Variants in UBXN2A observed in about 807,000 individuals in gnomAD.
UBXN2A encodes the protein UBX domain protein 2A.
A neutral mutation model predicts 28.4 loss-of-function variants in UBXN2A; 28 were observed. The observed-to-expected ratio is 0.99, with a 90% CI of 0.73 to 1.35. The LOEUF is 1.35. Among genes scored for constraint, UBXN2A ranks in the 40% most tolerant of loss-of-function variants. The probability of loss-of-function intolerance (pLI) is 0.00; values close to 1 mark genes in which losing one functional copy is unlikely to be tolerated. For synonymous variants in UBXN2A, 97 were observed against 103.6 expected, an observed-to-expected ratio of 0.94 and a Z score of 0.39; for missense variants, 253 against 297.9, an observed-to-expected ratio of 0.85 and a Z score of 1.11.
chr2:23,971,990 T>C (rs1254037426), intron 3 of UBXN2A, among the ~76,000 whole-genome samples: 1 of 152,014 alleles, frequency 6.6e-6, no homozygotes, highest in East Asian at 1.9e-4. Flanking sequence ...TCCCAGCTTC[T>C]TGGGAGGCTG....
intron 2 of UBXN2A, among the ~76,000 whole-genome samples, chr2:23,970,228 G>A (rs1354899231): frequency 6.6e-6 from 1 of 152,150 alleles, no homozygotes; most frequent in East Asian, 1.9e-4. Context: ...AGACTGTAGT[G>A]AGCTGAAATT....
At chr2:23,928,839 T>C (rs1705266172) in intron 1 of UBXN2A, among the ~76,000 whole-genome samples, 1 of 152,116 alleles carries the variant, frequency 6.6e-6, no homozygotes, top group Non-Finnish European at 1.5e-5. Context: ...CTGACACAAT[T>C]TGCATACCAC....
intron 2 of UBXN2A, among the ~76,000 whole-genome samples, chr2:23,966,948 G>A (rs991002215): frequency 1.2e-4 from 18 of 150,650 alleles, no homozygotes; most frequent in African/African-American, 4.4e-4. Flanking sequence ...TTATAGAGAT[G>A]GGATTTCGCC....
At chr2:23,944,002 T>A in intron 1 of UBXN2A, 1 of 505,494 alleles carries the variant, frequency 2.0e-6, no homozygotes, top group Non-Finnish European at 3.8e-6. Flanking sequence ...AACCGTCCCG[T>A]ATCTCCCCAC....
intron 2 of UBXN2A, among the ~76,000 whole-genome samples, chr2:23,962,462 A>G (rs1055742159): frequency 6.6e-6 from 1 of 152,212 alleles, no homozygotes; most frequent in Non-Finnish European, 1.5e-5. Context: ...TTACCAAAAT[A>G]TATATCAGAT....
At chr2:23,974,271 C>T (rs1707555123) in intron 3 of UBXN2A, among the ~76,000 whole-genome samples, 1 of 151,358 alleles carries the variant, frequency 6.6e-6, no homozygotes, top group Non-Finnish European at 1.5e-5. Flanking sequence ...CCCGCCTCAG[C>T]CTCCCAAAGT....
chr2:23,979,023 G>A (rs116084570), intron 4 of UBXN2A, among the ~76,000 whole-genome samples: 1 of 151,714 alleles, frequency 6.6e-6, no homozygotes, highest in East Asian at 1.9e-4. Context: ...ATACATGCTT[G>A]GTCTAGAAAA....
intron 3 of UBXN2A, among the ~76,000 whole-genome samples, chr2:23,972,758 G>A (rs1707471158): frequency 6.6e-6 from 1 of 152,024 alleles, no homozygotes; most frequent in Non-Finnish European, 1.5e-5. Context: ...GGAGGCGGAG[G>A]TTGCAGTGAG....
chr2:23,981,064 CAG>C (rs1331511886), intron 4 of UBXN2A, among the ~76,000 whole-genome samples: 4 of 151,848 alleles, frequency 2.6e-5, no homozygotes, highest in Non-Finnish European at 4.4e-5. Flanking sequence ...TTAACTCAAA[CAG>C]AAAAAAATAA....
intron 2 of UBXN2A, among the ~76,000 whole-genome samples, chr2:23,965,863 A>G (rs2150853614): frequency 6.6e-6 from 1 of 152,250 alleles, no homozygotes; most frequent in African/African-American, 2.4e-5. Flanking sequence ...TCGGAAGGTT[A>G]TATATTATTG....
Position 24,004,734 on chromosome 2 carries a change from T to C in UBXN2A, c.*4867T>C, listed in dbSNP as rs1708768917. The stretch of plus-strand genomic sequence containing the variant: ...TAATTACTATGCATTTTTTTCAGTT[T>C]AAAAAATAATCTTATTTTATATACT... On this transcript the variant is annotated 3_prime_UTR_variant, in exon 7 of 7. Coordinates refer to ENST00000309033, the MANE Select transcript of UBXN2A (RefSeq NM_181713.4). The C allele has an allele frequency of 1.3e-5, 2 of 151,976 alleles. No individual in the cohort carries two copies. The highest frequency in any genetic ancestry group is 2.9e-5 in the Non-Finnish European group (2 of 67,916). The allele number at this position is 151,976 out of a possible 1,614,324, so 9.4% of individuals were successfully genotyped here.
intron 1 of UBXN2A, among the ~76,000 whole-genome samples, chr2:23,949,116 C>CA (rs1553468145): frequency 1.0e-3 from 132 of 127,092 alleles, no homozygotes; most frequent in African/African-American, 3.6e-3. Context: ...ATTTTTTTTT[C>CA]TTTTTTTTTT....
chr2:23,978,656 AT>A lies in UBXN2A; in HGVS notation c.287+1585del, dbSNP rs1165390339. 8.1e-5 allele frequency among the ~76,000 whole-genome samples: 12 copies of A among 148,216 alleles called. 1 individual carries two copies. In the Admixed American group the frequency reaches 8.2e-4, roughly 10 times the overall value. On this transcript the variant is annotated intron_variant, in intron 4 of 6. Transcript: ENST00000309033. ...AAGACTCCGTCTCAAAAAAAAAAAA[AT>A]TTTGTTTTAAAGAAAAAAAATTGTA...
chr2:23,975,697 G>A (rs1341132659), intron 3 of UBXN2A, among the ~76,000 whole-genome samples: 1 of 152,054 alleles, frequency 6.6e-6, no homozygotes, highest in Non-Finnish European at 1.5e-5. Context: ...GGAGTGCAGT[G>A]GTGCGATCTC....
At chr2:23,934,021 G>A (rs982931971) in intron 1 of UBXN2A, among the ~76,000 whole-genome samples, 9 of 152,274 alleles carry the variant, frequency 5.9e-5, no homozygotes, top group African/African-American at 2.2e-4. Flanking sequence ...ATTGAGACCA[G>A]CCTGGCCAAC....
chr2:23,943,781 G>A (rs1425962244), intron 1 of UBXN2A: 7 of 234,108 alleles, frequency 3.0e-5, no homozygotes, highest in South Asian at 6.2e-5. Context: ...TTAAACCACC[G>A]TGCCCAGCTA....
At chr2:23,990,732 C>T (rs1424994325) in intron 6 of UBXN2A, among the ~76,000 whole-genome samples, 1 of 151,372 alleles carries the variant, frequency 6.6e-6, no homozygotes, top group Non-Finnish European at 1.5e-5. Flanking sequence ...TGAAATCACA[C>T]CACTGCACTC....
At chr2:23,998,955 T>C (rs1387723847) in intron 6 of UBXN2A, among the ~76,000 whole-genome samples, 6 of 152,206 alleles carry the variant, frequency 3.9e-5, no homozygotes, top group Admixed American at 1.3e-4. Context: ...TTTTTATATT[T>C]ATGTTCTTTG....
intron 1 of UBXN2A, among the ~76,000 whole-genome samples, chr2:23,956,921 C>T (rs1023141243): frequency 6.6e-6 from 1 of 152,046 alleles, no homozygotes; most frequent in African/African-American, 2.4e-5. Context: ...TCCAAGACCC[C>T]CATAGATACC....
Sources: gnomAD v4.1 joint callset for allele counts (sites outside exome capture counted in the v4.1 genomes callset) on GRCh38, gnomAD v4.1.1 for gene constraint, MANE v1.5 for transcripts, NCBI Gene and HGNC (gene_info 2026-07-23, HGNC 2026-07-21) for gene names.